Variants in RPS6KC1 observed in about 807,000 individuals in gnomAD.
RPS6KC1 encodes the protein ribosomal protein S6 kinase C1, also known as inactive ribosomal protein S6 kinase delta-1.
In RPS6KC1, 54 loss-of-function variants were observed where a neutral mutation model predicts 103.8. The ratio of observed to expected loss-of-function variants is 0.52; its 90% CI spans 0.42 to 0.65. The LOEUF is 0.65. RPS6KC1 is among the 30% of genes least tolerant of loss of function. The pLI, the probability that RPS6KC1 is intolerant of heterozygous loss-of-function variation, is 0.00. For synonymous variants in RPS6KC1, 439 were observed against 438.7 expected, an observed-to-expected ratio of 1.00 and a Z score of -0.01; for missense variants, 1,151 against 1,253.8, an observed-to-expected ratio of 0.92 and a Z score of 1.24.
the RPS6KC1 span, among the ~76,000 whole-genome samples, chr1:213,757,304 GA>G: frequency 6.6e-6 from 1 of 152,252 alleles, no homozygotes. Context: ...GAATACAAAA[GA>G]AAATTTCTTA....
chr1:213,098,827 T>C (rs1259645218), intron 3 of RPS6KC1, among the ~76,000 whole-genome samples: 3 of 152,182 alleles, frequency 2.0e-5, no homozygotes, highest in Non-Finnish European at 1.5e-5. Flanking sequence ...GGAAAAATGT[T>C]GCCACAAATC....
chr1:213,376,244 T>C, the RPS6KC1 span, among the ~76,000 whole-genome samples: 2 of 152,216 alleles, frequency 1.3e-5, no homozygotes, highest in Admixed American at 6.5e-5. Flanking sequence ...TTAAACTGTA[T>C]GTAAATGAAT....
chr1:213,801,046 C>T, the RPS6KC1 span, among the ~76,000 whole-genome samples: 1 of 152,206 alleles, frequency 6.6e-6, no homozygotes, highest in Non-Finnish European at 1.5e-5. Flanking sequence ...TCAGCCTCCA[C>T]TCCCTTGTCC....
intron 1 of RPS6KC1, among the ~76,000 whole-genome samples, chr1:213,065,988 C>G (rs2078293989): frequency 1.3e-5 from 2 of 152,136 alleles, no homozygotes; most frequent in Admixed American, 1.3e-4. Flanking sequence ...CTCTGAACCA[C>G]CTTGTTTTCT....
the RPS6KC1 span, among the ~76,000 whole-genome samples, chr1:213,398,658 C>G: frequency 6.6e-6 from 1 of 151,974 alleles, no homozygotes; most frequent in African/African-American, 2.4e-5. Flanking sequence ...TCTCTTTTTC[C>G]TTGGAAGCTC....
chr1:213,105,049 G>A (rs992765432), intron 4 of RPS6KC1, among the ~76,000 whole-genome samples: 4 of 151,852 alleles, frequency 2.6e-5, no homozygotes, highest in African/African-American at 4.8e-5. Context: ...TGGAATATAA[G>A]CCACTGTAAG....
At chr1:213,242,378 G>A (rs750785311) in intron 11 of RPS6KC1, 81 bp downstream of exon 11, 1 of 1,481,054 alleles carries the variant, frequency 6.8e-7, no homozygotes, top group South Asian at 1.2e-5. Flanking sequence ...CTTGTAATTA[G>A]TATCTTCATT....
At chr1:213,501,512 G>A in the RPS6KC1 span, among the ~76,000 whole-genome samples, 1 of 152,092 alleles carries the variant, frequency 6.6e-6, no homozygotes. Flanking sequence ...TACTTGTTTG[G>A]CACATAGTAG....
chr1:213,734,308 C>T, the RPS6KC1 span, among the ~76,000 whole-genome samples: 10 of 152,136 alleles, frequency 6.6e-5, no homozygotes, highest in Non-Finnish European at 1.3e-4. Context: ...ACTTAGCTTT[C>T]GATGATATCA....
the RPS6KC1 span, among the ~76,000 whole-genome samples, chr1:213,285,828 G>A: frequency 2.0e-5 from 3 of 152,264 alleles, no homozygotes; most frequent in Admixed American, 6.5e-5. Flanking sequence ...TAATAAAGGA[G>A]ATTAAAGAAA....
the RPS6KC1 span, among the ~76,000 whole-genome samples, chr1:213,473,224 C>G: frequency 2.0e-5 from 3 of 152,236 alleles, no homozygotes; most frequent in Admixed American, 2.0e-4. Context: ...CAACACCAAT[C>G]AAGCTTCCCT....
the RPS6KC1 span, among the ~76,000 whole-genome samples, chr1:213,624,747 G>T: frequency 1.3e-5 from 2 of 152,082 alleles, no homozygotes; most frequent in East Asian, 3.9e-4. Context: ...TCTTTTTGCC[G>T]TGTTCTCACT....
chr1:213,334,196 T>C, the RPS6KC1 span, among the ~76,000 whole-genome samples: 1 of 152,282 alleles, frequency 6.6e-6, no homozygotes, highest in South Asian at 2.1e-4. Flanking sequence ...AACAGTGTCA[T>C]AAAGTACAGT....
the RPS6KC1 span, among the ~76,000 whole-genome samples, chr1:213,765,057 G>A: frequency 2.6e-4 from 40 of 152,210 alleles, no homozygotes; most frequent in Non-Finnish European, 7.4e-5. Flanking sequence ...CCAGCCCTTG[G>A]ACACCCTCTC....
chr1:213,245,900 A>G (rs1042634468), intron 12 of RPS6KC1, among the ~76,000 whole-genome samples: 6 of 152,186 alleles, frequency 3.9e-5, no homozygotes, highest in African/African-American at 1.4e-4. Flanking sequence ...CCTAGATTTT[A>G]AAAAGTCATA....
the RPS6KC1 span, among the ~76,000 whole-genome samples, chr1:213,668,030 C>A: frequency 4.6e-5 from 7 of 152,162 alleles, no homozygotes; most frequent in Admixed American, 4.6e-4. Flanking sequence ...AGTCTTGAGT[C>A]CCTCAAAATC....
chr1:213,520,088 CTG>C, the RPS6KC1 span, among the ~76,000 whole-genome samples: 2 of 152,182 alleles, frequency 1.3e-5, no homozygotes, highest in African/African-American at 4.8e-5. Context: ...TGTCTAAACT[CTG>C]TTCTATTCCA....
At chr1:213,557,785 A>C in the RPS6KC1 span, among the ~76,000 whole-genome samples, 1 of 152,172 alleles carries the variant, frequency 6.6e-6, no homozygotes, top group Non-Finnish European at 1.5e-5. Context: ...CAGAGGACAA[A>C]GGCAGTGGAG....
the RPS6KC1 span, among the ~76,000 whole-genome samples, chr1:213,301,753 G>A: frequency 6.7e-6 from 1 of 149,232 alleles, no homozygotes; most frequent in East Asian, 2.0e-4. Flanking sequence ...TTATTTGTGA[G>A]ACAGAGTCTC....
Sources: allele counts gnomAD v4.1 joint callset (sites outside exome capture counted in the v4.1 genomes callset), GRCh38; gene constraint gnomAD v4.1.1; transcripts MANE v1.5; gene names NCBI Gene and HGNC (gene_info 2026-07-23, HGNC 2026-07-21).